The following SLCO6A1 variants were observed in gnomAD, a reference collection of about 807,000 sequenced individuals.
SLCO6A1 encodes the protein solute carrier organic anion transporter family member 6A1, also known as cancer/testis antigen 48.
A neutral mutation model predicts 72.7 loss-of-function variants in SLCO6A1; 65 were observed. The ratio of observed to expected loss-of-function variants is 0.89; its 90% CI spans 0.73 to 1.10. SLCO6A1 has a LOEUF of 1.10. Ranked by LOEUF, SLCO6A1 falls within the 50% of genes least tolerant of loss-of-function variation. The pLI is 0.00. For synonymous variants in SLCO6A1, 314 were observed against 298.2 expected (o/e 1.05, Z -0.55); for missense variants, 874 against 872.6 (o/e 1.00, Z -0.02).
chr5:102,441,288 G>A (rs907419537), intron 6 of SLCO6A1, among the ~76,000 whole-genome samples: 2 of 152,064 alleles, frequency 1.3e-5, no homozygotes, highest in South Asian at 4.1e-4. Context: ...AGAAATCCAT[G>A]GTCATTTTTC....
At chr5:102,459,528 T>C (rs1750911839) in intron 5 of SLCO6A1, 128 bp downstream of exon 5, 1 of 1,081,794 alleles carries the variant, frequency 9.2e-7, no homozygotes, top group Non-Finnish European at 1.3e-6. Flanking sequence ...TGTATCTCTA[T>C]GACAAACCAC....
At chr5:102,449,568 A>T (rs1750301813) in intron 6 of SLCO6A1, among the ~76,000 whole-genome samples, 1 of 151,954 alleles carries the variant, frequency 6.6e-6, no homozygotes, top group African/African-American at 2.4e-5. Context: ...TTGTATTTTT[A>T]GTAGAAATGG....
Position 102,420,744 on chromosome 5 carries a change from CA to C in SLCO6A1, c.1277-724del, listed in dbSNP as rs778081703. On this transcript the variant is annotated intron_variant, in intron 7 of 13. Transcript: ENST00000506729. ...AAGAAAAACATAGGATAAAAAACAACAAAAAAAATCCCATTAACACTAGATT... is the reference window on the plus strand; with the variant it reads ...AAGAAAAACATAGGATAAAAAACAACAAAAAAATCCCATTAACACTAGATT... Among the ~76,000 whole-genome samples, 75 of 151,794 alleles carry C rather than the reference CA, an allele frequency of 4.9e-4. No homozygotes were observed. The Middle Eastern group carries it at 0.01, about 21-fold the overall frequency.
At chr5:102,388,901 T>C in intron 11 of SLCO6A1, 76 bp from the exon 12 acceptor site, 9 of 1,288,006 alleles carry the variant, frequency 7.0e-6, no homozygotes, top group South Asian at 3.0e-5. Flanking sequence ...ACACAGATAA[T>C]ATATATGAAT....
intron 13 of SLCO6A1, 113 bp from the exon 14 acceptor site, chr5:102,372,236 T>C (rs1022686415): frequency 1.3e-5 from 2 of 152,022 alleles, no homozygotes; most frequent in Admixed American, 6.6e-5. Flanking sequence ...GAAATAAAAA[T>C]GTGTAGTAAG....
chr5:102,455,853 T>G lies in SLCO6A1; in HGVS notation c.1131+2529A>C, dbSNP rs1750682689. The stretch of plus-strand genomic sequence containing the variant: ...TTCAAAAGTCTTGATACAAAAATCC[T>G]CAATAAAATACTGGTGAACCGAATC... On this transcript the variant is annotated intron_variant, in intron 6 of 13. Transcript: ENST00000506729. Among the ~76,000 whole-genome samples the G allele has an allele frequency of 2.0e-5, 3 of 152,316 alleles. 1 individual carries two copies. The South Asian group carries it at 6.2e-4, about 32-fold the overall frequency.
chr5:102,490,636 G>T lies in SLCO6A1; in HGVS notation c.358+7851C>A, dbSNP rs867173977. On this transcript the variant is annotated intron_variant, in intron 1 of 13. Transcript: ENST00000506729. ...TTTGTTTGTTCTGATGTTCGGGTGT[G>T]TTCCGAGTTTCTTCCTTCTGGTGGG... 2.0e-5 allele frequency among the ~76,000 whole-genome samples: 3 copies of T among 152,176 alleles called. No individual in the cohort carries two copies. The South Asian group carries it at 6.2e-4, about 32-fold the overall frequency.
At chr5:102,391,093 A>G (rs755040197) in intron 10 of SLCO6A1, 48 bp from the exon 11 acceptor site, 3 of 1,513,170 alleles carry the variant, frequency 2.0e-6, no homozygotes, top group Non-Finnish European at 2.8e-6. Context: ...TGTTATTAGC[A>G]CTAAGAATGT....
At chr5:102,377,756 C>T (rs1745882955) in intron 12 of SLCO6A1, among the ~76,000 whole-genome samples, 1 of 151,762 alleles carries the variant, frequency 6.6e-6, no homozygotes, top group East Asian at 1.9e-4. Context: ...ACCGCAATCT[C>T]CACCTCCCAG....
At chr5:102,401,046 A>T (rs1747369692) in intron 9 of SLCO6A1, among the ~76,000 whole-genome samples, 1 of 125,830 alleles carries the variant, frequency 7.9e-6, no homozygotes, top group Admixed American at 7.9e-5. Flanking sequence ...AACAAGGAAA[A>T]GTACAGGGAA....
rs772928450 is a variant in SLCO6A1 at position 102,413,115 on chromosome 5, G to A, written c.1501C>T (p.Pro501Ser). 6.4e-7 allele frequency: 1 copy of A among 1,563,872 alleles called. No homozygotes were observed. Among genetic ancestry groups the A allele is most frequent in the Non-Finnish European group, 8.6e-7 (1 of 1,162,216 alleles). Residue 501 changes from proline (P) to serine (S), a missense_variant, in exon 9 of 14, where the codon CCT becomes TCT. Physicochemically the swap from Pro to Ser is moderately conservative, Grantham distance 74 (BLOSUM62 -1). Coordinates refer to ENST00000506729, the MANE Select transcript of SLCO6A1 (RefSeq NM_173488.5). ...GTGKLGNLTAPCNEKCRCSSS... is the reference protein window; with the variant it reads ...GTGKLGNLTASCNEKCRCSSS... ...GAGCATCTACATTTTTCATTGCAAG[G>A]AGCCGTGAGGTTTCCCAACTTCCCT...
intron 4 of SLCO6A1, among the ~76,000 whole-genome samples, chr5:102,463,684 C>T (rs1469538381): frequency 6.6e-6 from 1 of 151,958 alleles, no homozygotes; most frequent in African/African-American, 2.4e-5. Flanking sequence ...CTCGGGAGTT[C>T]AAGACCAGCC....
chr5:102,496,592 T>C (rs1286720149), intron 1 of SLCO6A1, among the ~76,000 whole-genome samples: 1 of 152,128 alleles, frequency 6.6e-6, no homozygotes, highest in Admixed American at 6.5e-5. Context: ...TGACCCAACA[T>C]AGTGGGAAGT....
chr5:102,474,383 T>A (rs965646399), intron 4 of SLCO6A1, among the ~76,000 whole-genome samples: 3 of 151,974 alleles, frequency 2.0e-5, no homozygotes, highest in Non-Finnish European at 2.9e-5. Flanking sequence ...TGCAAAAGAA[T>A]GAAGTTGGAA....
chr5:102,445,754 A>T (rs916865482), intron 6 of SLCO6A1, among the ~76,000 whole-genome samples: 1 of 152,080 alleles, frequency 6.6e-6, no homozygotes, highest in Non-Finnish European at 1.5e-5. Flanking sequence ...GTATATGGTG[A>T]AAGGTAGGGG....
At chr5:102,425,447 A>T (rs754765025) in intron 7 of SLCO6A1, among the ~76,000 whole-genome samples, 3 of 152,212 alleles carry the variant, frequency 2.0e-5, no homozygotes, top group Non-Finnish European at 4.4e-5. Flanking sequence ...TCAATGTGCA[A>T]AAATCACAGG....
At chr5:102,445,036 C>A (rs1750032771) in intron 6 of SLCO6A1, among the ~76,000 whole-genome samples, 1 of 152,154 alleles carries the variant, frequency 6.6e-6, no homozygotes, top group Non-Finnish European at 1.5e-5. Flanking sequence ...TGAACATATG[C>A]ATGCATGTGT....
At chr5:102,475,853 T>A in intron 3 of SLCO6A1, 60 bp from the exon 4 acceptor site, 1 of 1,325,422 alleles carries the variant, frequency 7.5e-7, no homozygotes, top group Non-Finnish European at 1.1e-6. Context: ...TTCGTTATGA[T>A]AAAAATTGAC....
intron 10 of SLCO6A1, among the ~76,000 whole-genome samples, chr5:102,399,351 T>G (rs1460753453): frequency 1.3e-5 from 2 of 152,118 alleles, no homozygotes; most frequent in Non-Finnish European, 2.9e-5. Flanking sequence ...AGTTAAACAA[T>G]GTGATATTTA....
Sources: allele counts gnomAD v4.1 joint callset (sites outside exome capture counted in the v4.1 genomes callset), GRCh38; gene constraint gnomAD v4.1.1; transcripts MANE v1.5; gene names NCBI Gene and HGNC (gene_info 2026-07-23, HGNC 2026-07-21).